The following GRID2 variants were observed in gnomAD, a reference collection of about 807,000 sequenced individuals.
The protein encoded by GRID2 is glutamate ionotropic receptor delta type subunit 2.
A neutral mutation model predicts 114.8 loss-of-function variants in GRID2; 33 were observed. The observed-to-expected ratio is 0.29, with a 90% CI of 0.22 to 0.38. The LOEUF is 0.38. Ranked by LOEUF, GRID2 falls within the 10% of genes least tolerant of loss-of-function variation. The pLI, the probability that GRID2 is intolerant of heterozygous loss-of-function variation, is 1.00. For synonymous variants in GRID2, 505 were observed against 449.9 expected (o/e 1.12, Z -1.55); for missense variants, 1,184 against 1,257.7 (o/e 0.94, Z 0.89).
intron 13 of GRID2, among the ~76,000 whole-genome samples, chr4:93,561,521 C>G (rs1377066655): frequency 6.6e-6 from 1 of 152,080 alleles, no homozygotes; most frequent in Non-Finnish European, 1.5e-5. Context: ...GTAATTAATG[C>G]ATCTACAATG....
chr4:92,903,069 T>A (rs1379348579), intron 2 of GRID2, among the ~76,000 whole-genome samples: 1 of 151,932 alleles, frequency 6.6e-6, no homozygotes, highest in Non-Finnish European at 1.5e-5. Flanking sequence ...ATTTTAGGAT[T>A]TTTTTTCCTA....
intron 4 of GRID2, among the ~76,000 whole-genome samples, chr4:93,191,285 TG>T (rs1406599739): frequency 2.6e-5 from 4 of 152,052 alleles, no homozygotes; most frequent in Non-Finnish European, 5.9e-5. Context: ...AAGGATCAGT[TG>T]GTAAGAAATG....
intron 2 of GRID2, among the ~76,000 whole-genome samples, chr4:92,895,208 G>A (rs990720093): frequency 4.6e-5 from 7 of 151,378 alleles, no homozygotes. Context: ...GCCAACATGG[G>A]GTAGAATGTA....
At chr4:93,559,358 A>G (rs1734660271) in intron 13 of GRID2, among the ~76,000 whole-genome samples, 1 of 152,216 alleles carries the variant, frequency 6.6e-6, no homozygotes, top group African/African-American at 2.4e-5. Flanking sequence ...GCTAATATAC[A>G]GAATCTACAA....
At chr4:93,477,340 C>T (rs1430026594) in intron 11 of GRID2, among the ~76,000 whole-genome samples, 2 of 152,086 alleles carry the variant, frequency 1.3e-5, no homozygotes, top group African/African-American at 2.4e-5. Flanking sequence ...AGTTAAATTT[C>T]AGTATGAATG....
chr4:93,758,113 G>A (rs894436554), intron 14 of GRID2, among the ~76,000 whole-genome samples: 5 of 152,114 alleles, frequency 3.3e-5, no homozygotes, highest in African/African-American at 1.2e-4. Flanking sequence ...AGAAGGTTAT[G>A]TTACTGTCTA....
At chr4:92,579,437 C>CA (rs1728067526) in intron 1 of GRID2, among the ~76,000 whole-genome samples, 1 of 151,658 alleles carries the variant, frequency 6.6e-6, no homozygotes, top group Non-Finnish European at 1.5e-5. Context: ...ATTAAGAACA[C>CA]AGTTTGAAGG....
intron 1 of GRID2, among the ~76,000 whole-genome samples, chr4:92,481,059 A>G (rs1722562631): frequency 6.6e-6 from 1 of 152,118 alleles, no homozygotes; most frequent in African/African-American, 2.4e-5. Flanking sequence ...ATCACCTCTC[A>G]ATAGAGTTAA....
At chr4:93,244,974 T>C (rs1377230869) in intron 8 of GRID2, among the ~76,000 whole-genome samples, 2 of 151,968 alleles carry the variant, frequency 1.3e-5, no homozygotes, top group Non-Finnish European at 2.9e-5. Context: ...GCCATAGTTA[T>C]TTACTGTCAT....
intron 1 of GRID2, among the ~76,000 whole-genome samples, chr4:92,334,027 G>A (rs1727036575): frequency 6.6e-6 from 1 of 152,116 alleles, no homozygotes; most frequent in East Asian, 1.9e-4. Context: ...TACCTAGACT[G>A]GCTCCCACCA....
At chr4:93,801,518 T>G (rs1276339162) in intron 1 of GRID2, among the ~76,000 whole-genome samples, 1 of 152,112 alleles carries the variant, frequency 6.6e-6, no homozygotes, top group Non-Finnish European at 1.5e-5. Context: ...TTAAATATTT[T>G]TAATTTACAC....
intron 9 of GRID2, among the ~76,000 whole-genome samples, chr4:93,416,651 C>T (rs1189961250): frequency 6.6e-6 from 1 of 152,010 alleles, no homozygotes; most frequent in Non-Finnish European, 1.5e-5. Context: ...CACTAGCAAA[C>T]AATATTACTT....
chr4:92,728,956 T>G lies in GRID2; in HGVS notation c.244+138670T>G, dbSNP rs1284676935. On this transcript the variant is annotated intron_variant, in intron 2 of 15. Coordinates refer to ENST00000282020, the MANE Select transcript of GRID2 (RefSeq NM_001510.4). Reference sequence around the variant, plus strand: ...GTTTATATTTCCTATTAAAGGTTTTTATTTTTATTTTTGTTTTTATTCCAT... The same window carrying G: ...GTTTATATTTCCTATTAAAGGTTTTGATTTTTATTTTTGTTTTTATTCCAT... Among the ~76,000 whole-genome samples, 3 of 152,192 alleles carry G rather than the reference T, an allele frequency of 2.0e-5. No homozygotes were observed. The East Asian group carries it at 5.8e-4, about 30-fold the overall frequency.
intron 2 of GRID2, among the ~76,000 whole-genome samples, chr4:92,928,300 C>G (rs1749981442): frequency 6.6e-6 from 1 of 151,486 alleles, no homozygotes; most frequent in African/African-American, 2.4e-5. Context: ...TTGTGTGCAT[C>G]CAGTAATATA....
chr4:93,792,809 A>T (rs1416461337), intron 1 of GRID2, among the ~76,000 whole-genome samples: 2 of 152,090 alleles, frequency 1.3e-5, no homozygotes, highest in African/African-American at 2.4e-5. Flanking sequence ...CCTCAGTCTC[A>T]CCCGGGTTGT....
intron 2 of GRID2, among the ~76,000 whole-genome samples, chr4:92,634,234 A>G (rs1002149690): frequency 6.6e-6 from 1 of 152,160 alleles, no homozygotes; most frequent in African/African-American, 2.4e-5. Context: ...CAGTATTATA[A>G]AAGGACATAG....
intron 14 of GRID2, among the ~76,000 whole-genome samples, chr4:93,761,574 C>T (rs1031273694): frequency 6.6e-6 from 1 of 152,066 alleles, no homozygotes; most frequent in East Asian, 1.9e-4. Flanking sequence ...AGCTTGCTGA[C>T]CTCTAGTCTA....
chr4:93,084,563 C>G (rs1039443131), intron 2 of GRID2, among the ~76,000 whole-genome samples: 3 of 152,162 alleles, frequency 2.0e-5, no homozygotes, highest in Non-Finnish European at 4.4e-5. Flanking sequence ...ATATTATCTA[C>G]TTTTTGAAAC....
intron 2 of GRID2, among the ~76,000 whole-genome samples, chr4:92,628,060 G>T (rs1730609464): frequency 6.6e-6 from 1 of 152,094 alleles, no homozygotes; most frequent in African/African-American, 2.4e-5. Flanking sequence ...TAATTAGGAA[G>T]ATGAGAATTT....
Sources: allele counts gnomAD v4.1 joint callset (sites outside exome capture counted in the v4.1 genomes callset), GRCh38; gene constraint gnomAD v4.1.1; transcripts MANE v1.5; gene names NCBI Gene and HGNC (gene_info 2026-07-23, HGNC 2026-07-21).